The following SCARA3 variants were observed in gnomAD, a reference collection of about 807,000 sequenced individuals.
SCARA3 encodes cellular stress response gene protein.
Under a neutral mutation model 47.0 loss-of-function variants are expected in SCARA3, and 39 were observed. The observed-to-expected ratio is 0.83, with a 90% confidence interval of 0.64 to 1.08. The LOEUF is 1.08. SCARA3 is among the 50% of genes least tolerant of loss of function. The pLI is 0.00. For synonymous variants in SCARA3, 356 were observed against 334.1 expected (o/e 1.07, Z -0.71); for missense variants, 724 against 792.3 (o/e 0.91, Z 1.04).
chr8:27,641,497 C>T (rs776724294), intron 1 of SCARA3, among the ~76,000 whole-genome samples: 1 of 152,210 alleles, frequency 6.6e-6, no homozygotes. Flanking sequence ...TGCATGCCCC[C>T]CTCTGACACT....
chr8:27,688,412 C>A, the SCARA3 span, among the ~76,000 whole-genome samples: 6 of 145,308 alleles, frequency 4.1e-5, no homozygotes, highest in Admixed American at 6.8e-5. Flanking sequence ...AAAAAAAAAA[C>A]CAGCCAGGTG....
At chr8:27,636,082 A>G (rs1801243571) in intron 1 of SCARA3, among the ~76,000 whole-genome samples, 2 of 152,118 alleles carry the variant, frequency 1.3e-5, no homozygotes, top group African/African-American at 4.8e-5. Flanking sequence ...CAGTGAGGGG[A>G]GCCTCGCCCC....
chr8:27,715,824 T>TGATAGATAGATAGATAGATA, the SCARA3 span, among the ~76,000 whole-genome samples: 1 of 118,836 alleles, frequency 8.4e-6, no homozygotes, highest in Non-Finnish European at 1.8e-5. This position sits in a 1 kb window ranked among gnomAD's most constrained non-coding sequence, Gnocchi z 4.2. Context: ...GATAGATAGA[T>TGATAGATAGATAGATAGATA]GATAGATAGA....
At chr8:27,726,890 A>G in the SCARA3 span, among the ~76,000 whole-genome samples, 3 of 151,664 alleles carry the variant, frequency 2.0e-5, no homozygotes, top group Admixed American at 1.3e-4. Context: ...GGTTCAAGCA[A>G]TTCTCCTGCC....
chr8:27,700,183 C>T, the SCARA3 span, among the ~76,000 whole-genome samples: 5 of 152,050 alleles, frequency 3.3e-5, no homozygotes, highest in African/African-American at 1.2e-4. Context: ...TTAAAACCCT[C>T]TATTCTTTAA....
intron 5 of SCARA3, among the ~76,000 whole-genome samples, chr8:27,666,926 G>A (rs1357319215): frequency 2.6e-5 from 4 of 152,102 alleles, no homozygotes; most frequent in African/African-American, 9.7e-5. Flanking sequence ...CCTGATTACA[G>A]CCTGTGGCTT....
At chr8:27,676,795 T>C (rs1170844898), downstream of SCARA3, 1 of 458,802 alleles carries the variant, frequency 2.2e-6, no homozygotes, top group Non-Finnish European at 3.9e-6. Context: ...TTTATTTTAC[T>C]AAGGGGGATG....
the SCARA3 span, among the ~76,000 whole-genome samples, chr8:27,710,520 T>C: frequency 6.6e-6 from 1 of 152,188 alleles, no homozygotes; most frequent in Non-Finnish European, 1.5e-5. Flanking sequence ...ACCGATTAAG[T>C]ACCCGGATGA....
chr8:27,707,997 A>G, the SCARA3 span, among the ~76,000 whole-genome samples: 1 of 152,204 alleles, frequency 6.6e-6, no homozygotes, highest in Non-Finnish European at 1.5e-5. Flanking sequence ...TTTACTTCCC[A>G]TCCACACTGT....
At chr8:27,670,376 G>A (rs1044881865) in intron 5 of SCARA3, among the ~76,000 whole-genome samples, 3 of 152,320 alleles carry the variant, frequency 2.0e-5, no homozygotes, top group Middle Eastern at 3.4e-3. Context: ...TCAGTGAAGA[G>A]GCTGGGTGAT....
At chr8:27,696,665 G>T in the SCARA3 span, among the ~76,000 whole-genome samples, 4 of 146,764 alleles carry the variant, frequency 2.7e-5, no homozygotes, top group African/African-American at 1.0e-4. Flanking sequence ...TGCCCAGGCT[G>T]GTCTCAAACT....
rs779257703 is a variant in SCARA3 at position 27,671,098 on chromosome 8, G to T, written c.1568G>T (p.Gly523Val). Residue 523 changes from glycine (G) to valine (V), a missense_variant, in exon 6 of 6, where the codon GGC becomes GTC. Coordinates refer to ENST00000301904, the MANE Select transcript of SCARA3 (RefSeq NM_016240.3). The stretch of plus-strand genomic sequence containing the variant: ...CCTCGAGGGTTCCCAGGCCTCAAAG[G>T]CTCAAAGGGCAGCTTTGGAACTGGA... Reference protein sequence around the residue: ...VGPRGFPGLKGSKGSFGTGGP... With the variant: ...VGPRGFPGLKVSKGSFGTGGP... 11 of 1,605,122 alleles carry T rather than the reference G, an allele frequency of 6.9e-6. No homozygotes were observed. The highest frequency in any genetic ancestry group is 2.2e-5 in the East Asian group (1 of 44,488).
the SCARA3 span, among the ~76,000 whole-genome samples, chr8:27,700,332 C>G: frequency 6.6e-6 from 1 of 152,026 alleles, no homozygotes; most frequent in African/African-American, 2.4e-5. Flanking sequence ...ACATGCAGCT[C>G]AAATTAAAAA....
At chr8:27,707,162 C>T in the SCARA3 span, among the ~76,000 whole-genome samples, 1 of 152,164 alleles carries the variant, frequency 6.6e-6, no homozygotes, top group Admixed American at 6.5e-5. Context: ...GTCCTACCTG[C>T]TGATGGGCAT....
rs35389418 is a variant in SCARA3, at chr8:27,672,519, G to A, written c.*1168G>A. 7.6e-4 allele frequency: 745 copies of A among 985,700 alleles called. 20 individuals carry two copies. The East Asian group carries it at 0.053, about 71-fold the overall frequency. 61.1% of individuals were successfully genotyped at this position (985,700 alleles called of 1,614,324 possible). On this transcript the variant is annotated 3_prime_UTR_variant, in exon 6 of 6. Coordinates refer to ENST00000301904, the MANE Select transcript of SCARA3 (RefSeq NM_016240.3). ...TGCAACAGGGCAGCTCTCGCCTCCCGCACACGGCTCTCCTGATCACAGCTG... is the reference window on the plus strand; with the variant it reads ...TGCAACAGGGCAGCTCTCGCCTCCCACACACGGCTCTCCTGATCACAGCTG...
At chr8:27,681,937 A>C in the SCARA3 span, among the ~76,000 whole-genome samples, 1 of 152,174 alleles carries the variant, frequency 6.6e-6, no homozygotes, top group Admixed American at 6.5e-5. Context: ...CTGACGATAA[A>C]ATGTACATGA....
At chr8:27,729,588 C>T in the SCARA3 span, among the ~76,000 whole-genome samples, 58,018 of 151,810 alleles carry the variant, frequency 0.38, 11,773 homozygotes, top group Middle Eastern at 0.47. Flanking sequence ...CTCAGGAGTT[C>T]GAGACCAGCC....
At chr8:27,717,655 C>T in the SCARA3 span, among the ~76,000 whole-genome samples, 2 of 151,924 alleles carry the variant, frequency 1.3e-5, no homozygotes, top group Non-Finnish European at 2.9e-5. Context: ...TGTGGTGGCA[C>T]GTGCCTGTAG....
the SCARA3 span, chr8:27,703,843 ACTTTT>A: frequency 3.5e-5 from 1 of 28,538 alleles, no homozygotes; most frequent in Non-Finnish European, 7.7e-5. Context: ...TGTGCTTTCT[ACTTTT>A]TTTTTTTTTT....
Sources: allele counts gnomAD v4.1 joint callset (sites outside exome capture counted in the v4.1 genomes callset), GRCh38; gene constraint gnomAD v4.1.1; non-coding constraint Gnocchi (gnomAD v3.1); transcripts MANE v1.5; gene names NCBI Gene and HGNC (gene_info 2026-07-23, HGNC 2026-07-21).